Variants in SEPHS1 observed in about 807,000 individuals in gnomAD.
SEPHS1 encodes selenophosphate synthetase 1.
In SEPHS1, 7 loss-of-function variants were observed where a neutral mutation model predicts 39.2. That is an observed-to-expected ratio of 0.18 (90% CI 0.10 to 0.34). The LOEUF (loss-of-function observed/expected upper bound fraction) is 0.34. SEPHS1 is among the 10% of genes least tolerant of loss of function. The pLI, the probability that SEPHS1 is intolerant of heterozygous loss-of-function variation, is 1.00. For synonymous variants in SEPHS1, 190 were observed against 195.5 expected (o/e 0.97, Z 0.23); for missense variants, 253 against 514.5 (o/e 0.49, Z 4.92).
chr10:13,346,023 G>C (rs893970501), intron 1 of SEPHS1, among the ~76,000 whole-genome samples: 2 of 152,208 alleles, frequency 1.3e-5, no homozygotes, highest in Non-Finnish European at 2.9e-5. Context: ...ATGTTTTCAC[G>C]CAGTGCTATT....
At chr10:13,342,367 G>GGAGGT (rs1349744538) in intron 2 of SEPHS1, among the ~76,000 whole-genome samples, 1 of 152,038 alleles carries the variant, frequency 6.6e-6, no homozygotes, top group Non-Finnish European at 1.5e-5. Flanking sequence ...GATAACCTGA[G>GGAGGT]CTCAGGAGCT....
At chr10:13,330,341 T>C (rs1205623689) in intron 5 of SEPHS1, among the ~76,000 whole-genome samples, 1 of 152,076 alleles carries the variant, frequency 6.6e-6, no homozygotes. Context: ...AATCTGTGGG[T>C]CTAATGTCTT....
chr10:13,339,126 G>T (rs574387559), intron 2 of SEPHS1, among the ~76,000 whole-genome samples: 3 of 152,032 alleles, frequency 2.0e-5, no homozygotes, highest in African/African-American at 7.3e-5. Context: ...TTACTGTAGC[G>T]TGTGACTGGT....
chr10:13,328,509 T>C, intron 6 of SEPHS1, 59 bp from the exon 7 acceptor site: 1 of 1,197,244 alleles, frequency 8.4e-7, no homozygotes. Flanking sequence ...TAATCTTTAC[T>C]TCTAGCAACT....
At chr10:13,342,535 G>C (rs987793084) in intron 2 of SEPHS1, among the ~76,000 whole-genome samples, 1 of 152,010 alleles carries the variant, frequency 6.6e-6, no homozygotes, top group African/African-American at 2.4e-5. Context: ...GCAGTGAGCT[G>C]AGATTGTGCC....
At chr10:13,323,183 C>A in intron 7 of SEPHS1, 136 bp from the exon 8 acceptor site, 1 of 715,510 alleles carries the variant, frequency 1.4e-6, no homozygotes, top group Non-Finnish European at 2.3e-6. Context: ...AATGTAAAAT[C>A]AACCAAAGAC....
chr10:13,344,686 G>A (rs1221008434), intron 2 of SEPHS1, 72 bp downstream of exon 2: 9 of 1,088,664 alleles, frequency 8.3e-6, no homozygotes, highest in Non-Finnish European at 1.1e-5. Context: ...TAGGCAACAT[G>A]GGAGGCGAGA....
intron 5 of SEPHS1, among the ~76,000 whole-genome samples, chr10:13,332,226 G>A (rs1480304987): frequency 4.6e-5 from 7 of 152,196 alleles, no homozygotes. Flanking sequence ...GCTACAACAC[G>A]GATGGACCCG....
Position 13,317,640 on chromosome 10 carries a change from G to C in SEPHS1, c.*1502C>G, listed in dbSNP as rs1277427266. On this transcript the variant is annotated 3_prime_UTR_variant, in exon 9 of 9. Transcript: ENST00000327347. ...CCCACTGGTTCCTGGAGGAGGGCGC[G>C]TCCGAGTTAAAGCCTCTTCCAGGAG... is the stretch of plus-strand genomic sequence containing the variant. 1 of 152,214 alleles carries C rather than the reference G, an allele frequency of 6.6e-6. No individual in the cohort carries two copies. 9.4% of individuals were successfully genotyped at this position (152,214 alleles called of 1,614,324 possible). A position where few individuals can be genotyped will look rare whatever the true frequency, so the allele number is the denominator to read the frequency against.
At chr10:13,326,888 T>C (rs1833313525) in intron 7 of SEPHS1, among the ~76,000 whole-genome samples, 2 of 152,290 alleles carry the variant, frequency 1.3e-5, no homozygotes, top group African/African-American at 4.8e-5. Context: ...CCAAATGAAT[T>C]GTAAAACAAT....
chr10:13,334,106 G>T lies in SEPHS1; in HGVS notation c.406-135C>A, dbSNP rs11591432. The T allele has an allele frequency of 9.1e-3, 6,817 of 749,206 alleles. 51 individuals are homozygous for T. The highest frequency in any genetic ancestry group is 0.013 in the Non-Finnish European group (5,929 of 472,232). The allele number at this position is 749,206 out of a possible 1,614,324, so 46.4% of individuals were successfully genotyped here. A position where few individuals can be genotyped will look rare whatever the true frequency, so the allele number is the denominator to read the frequency against. On this transcript the variant is annotated intron_variant, in intron 4 of 8. Transcript: ENST00000327347. Reference sequence around the variant, plus strand: ...GTCCTCAAAGTTTACAGACAGGGAAGGTTGTTAGGGGCCAGGCATAATCGC... The same window carrying T: ...GTCCTCAAAGTTTACAGACAGGGAATGTTGTTAGGGGCCAGGCATAATCGC...
At chr10:13,347,492 C>A (rs1381627494) in intron 1 of SEPHS1, 1 of 147,784 alleles carries the variant, frequency 6.8e-6, no homozygotes, top group Non-Finnish European at 1.5e-5. Flanking sequence ...CCTGTTCGGG[C>A]CGGCGGGAGG....
At chr10:13,343,992 T>C (rs930695397) in intron 2 of SEPHS1, among the ~76,000 whole-genome samples, 1 of 152,122 alleles carries the variant, frequency 6.6e-6, no homozygotes, top group African/African-American at 2.4e-5. Flanking sequence ...CTAAGCTCTG[T>C]GTTTGGGAAA....
intron 5 of SEPHS1, among the ~76,000 whole-genome samples, chr10:13,333,532 T>TG: frequency 6.7e-6 from 1 of 150,320 alleles, no homozygotes; most frequent in East Asian, 2.0e-4. Context: ...CCTCCACCCC[T>TG]GGGGTTCAAG....
At chr10:13,344,393 T>A (rs1833872043) in intron 2 of SEPHS1, among the ~76,000 whole-genome samples, 1 of 152,216 alleles carries the variant, frequency 6.6e-6, no homozygotes, top group Non-Finnish European at 1.5e-5. Context: ...CTCAATTGCA[T>A]ACTCCATGAT....
chr10:13,343,507 C>G (rs370015712), intron 2 of SEPHS1, among the ~76,000 whole-genome samples: 18 of 152,020 alleles, frequency 1.2e-4, no homozygotes, highest in African/African-American at 4.4e-4. Context: ...AAATAATGGG[C>G]AAAAACAAAT....
intron 8 of SEPHS1, among the ~76,000 whole-genome samples, chr10:13,321,898 A>C (rs2131684710): frequency 6.6e-6 from 1 of 152,188 alleles, no homozygotes; most frequent in South Asian, 2.1e-4. Context: ...AAACAAAAGG[A>C]GCTTAATCTT....
chr10:13,328,145 G>A (rs1833359467), intron 7 of SEPHS1, among the ~76,000 whole-genome samples: 1 of 152,110 alleles, frequency 6.6e-6, no homozygotes, highest in Admixed American at 6.6e-5. Context: ...CAGAAGTTAG[G>A]ACTTCCTTCT....
At chr10:13,332,569 C>T (rs866780163) in intron 5 of SEPHS1, among the ~76,000 whole-genome samples, 6 of 152,252 alleles carry the variant, frequency 3.9e-5, no homozygotes, top group South Asian at 2.1e-4. Flanking sequence ...GTCAGCCGGG[C>T]GCGGTGGCTC....
Sources: allele counts gnomAD v4.1 joint callset (sites outside exome capture counted in the v4.1 genomes callset), GRCh38; gene constraint gnomAD v4.1.1; transcripts MANE v1.5; gene names NCBI Gene and HGNC (gene_info 2026-07-23, HGNC 2026-07-21).